Variants in RPS6KC1 observed in about 807,000 individuals in gnomAD.
RPS6KC1 encodes inactive ribosomal protein S6 kinase delta-1.
In RPS6KC1, 54 loss-of-function variants were observed where a neutral mutation model predicts 103.8. The observed-to-expected ratio is 0.52, with a 90% confidence interval of 0.42 to 0.65. The LOEUF (loss-of-function observed/expected upper bound fraction) is 0.65, where lower values mean the gene tolerates loss of function less well. Ranked by LOEUF, RPS6KC1 falls within the 30% of genes least tolerant of loss-of-function variation. The pLI is 0.00. For missense variants in RPS6KC1, 1,151 were observed against 1,253.8 expected, an observed-to-expected ratio of 0.92 and a Z score of 1.24; for synonymous variants, 439 against 438.7, an observed-to-expected ratio of 1.00 and a Z score of -0.01.
chr1:213,602,116 CTT>C, the RPS6KC1 span, among the ~76,000 whole-genome samples: 5 of 33,074 alleles, frequency 1.5e-4, no homozygotes, highest in Admixed American at 3.8e-4. Flanking sequence ...TTCTTTCTTT[CTT>C]TCTCTTTCTT....
At chr1:213,055,761 T>C (rs1033149249) in intron 1 of RPS6KC1, among the ~76,000 whole-genome samples, 1 of 152,250 alleles carries the variant, frequency 6.6e-6, no homozygotes, top group East Asian at 1.9e-4. Context: ...ATATTGAGAA[T>C]GTAGATGAAT....
intron 1 of RPS6KC1, among the ~76,000 whole-genome samples, chr1:213,067,092 C>G (rs1432516952): frequency 3.3e-5 from 5 of 152,110 alleles, no homozygotes; most frequent in Non-Finnish European, 7.4e-5. Context: ...TCGAGTTGTC[C>G]CACCTTTCTG....
At chr1:213,174,752 G>C (rs1387369765) in intron 7 of RPS6KC1, among the ~76,000 whole-genome samples, 1 of 149,508 alleles carries the variant, frequency 6.7e-6, no homozygotes, top group Non-Finnish European at 1.5e-5. Flanking sequence ...CTTGCTAAAT[G>C]TTTTTATATC....
At chr1:213,284,612 G>C in the RPS6KC1 span, among the ~76,000 whole-genome samples, 3 of 132,890 alleles carry the variant, frequency 2.3e-5, no homozygotes, top group African/African-American at 8.5e-5. Flanking sequence ...AAAAAGGATT[G>C]AAAAGAAAGT....
At chr1:213,510,806 C>T in the RPS6KC1 span, among the ~76,000 whole-genome samples, 2,086 of 152,250 alleles carry the variant, frequency 0.014, 47 homozygotes, top group African/African-American at 0.046. Context: ...CAGACTTTCC[C>T]TATACTATAT....
chr1:213,432,204 A>G, the RPS6KC1 span, among the ~76,000 whole-genome samples: 351 of 152,272 alleles, frequency 2.3e-3, 1 homozygote, highest in African/African-American at 8.0e-3. Context: ...ATTTATTACT[A>G]TTTACATAGC....
chr1:213,198,332 A>G (rs1219655242), intron 8 of RPS6KC1, among the ~76,000 whole-genome samples: 1 of 152,162 alleles, frequency 6.6e-6, no homozygotes, highest in African/African-American at 2.4e-5. Context: ...TTTAATCTAA[A>G]TAGGTTTTCT....
At chr1:213,587,492 G>A in the RPS6KC1 span, among the ~76,000 whole-genome samples, 1 of 152,174 alleles carries the variant, frequency 6.6e-6, no homozygotes, top group Non-Finnish European at 1.5e-5. Context: ...ATGGTGAGCT[G>A]CTATCATCCA....
chr1:213,523,314 C>T, the RPS6KC1 span, among the ~76,000 whole-genome samples: 1 of 152,164 alleles, frequency 6.6e-6, no homozygotes, highest in African/African-American at 2.4e-5. Flanking sequence ...CCACAGATCA[C>T]TGTAACAGCT....
chr1:213,843,925 G>A, the RPS6KC1 span, among the ~76,000 whole-genome samples: 8 of 151,254 alleles, frequency 5.3e-5, no homozygotes, highest in East Asian at 1.4e-3. Context: ...ATGACCCAAT[G>A]TCAGAAAGAG....
chr1:213,722,996 T>C, the RPS6KC1 span, among the ~76,000 whole-genome samples: 1 of 152,092 alleles, frequency 6.6e-6, no homozygotes, highest in Non-Finnish European at 1.5e-5. Context: ...CTGGCCACGA[T>C]AGTGAAACCC....
chr1:213,353,773 G>A, the RPS6KC1 span, among the ~76,000 whole-genome samples: 1 of 152,190 alleles, frequency 6.6e-6, no homozygotes, highest in Admixed American at 6.5e-5. Flanking sequence ...ACAATTGCAA[G>A]CAATTTTTTG....
the RPS6KC1 span, among the ~76,000 whole-genome samples, chr1:213,396,890 C>T: frequency 6.6e-6 from 1 of 152,144 alleles, no homozygotes; most frequent in East Asian, 1.9e-4. Flanking sequence ...GGTGTGCATC[C>T]ATGCCATGGC....
At chr1:213,230,994 A>AT (rs2094091202) in intron 9 of RPS6KC1, among the ~76,000 whole-genome samples, 1 of 151,922 alleles carries the variant, frequency 6.6e-6, no homozygotes, top group East Asian at 1.9e-4. Flanking sequence ...TAGGTTTTGA[A>AT]TGTCCTTTTA....
At chr1:213,320,461 T>C in the RPS6KC1 span, among the ~76,000 whole-genome samples, 1 of 152,252 alleles carries the variant, frequency 6.6e-6, no homozygotes, top group Non-Finnish European at 1.5e-5. Flanking sequence ...TAATGCCGTT[T>C]ATTAATAAAT....
the RPS6KC1 span, among the ~76,000 whole-genome samples, chr1:213,448,942 A>G: frequency 6.6e-6 from 1 of 152,136 alleles, no homozygotes; most frequent in Non-Finnish European, 1.5e-5. Flanking sequence ...AAGGCTCCCT[A>G]TAGAAATCCC....
At chr1:213,487,714 C>G in the RPS6KC1 span, among the ~76,000 whole-genome samples, 4 of 152,144 alleles carry the variant, frequency 2.6e-5, no homozygotes, top group Non-Finnish European at 5.9e-5. Context: ...GTTGTATCCT[C>G]TCTGGGCTCC....
the RPS6KC1 span, among the ~76,000 whole-genome samples, chr1:213,473,499 G>A: frequency 3.3e-5 from 5 of 152,212 alleles, no homozygotes; most frequent in Non-Finnish European, 4.4e-5. Context: ...CAACTGCATA[G>A]CAGTGACTCT....
the RPS6KC1 span, among the ~76,000 whole-genome samples, chr1:213,702,617 A>G: frequency 2.5e-4 from 38 of 152,180 alleles, 1 homozygote; most frequent in Admixed American, 7.2e-4. Context: ...ACATATATTT[A>G]AAATTGTTAT....
Sources: gnomAD v4.1 joint callset for allele counts (sites outside exome capture counted in the v4.1 genomes callset) on GRCh38, gnomAD v4.1.1 for gene constraint, MANE v1.5 for transcripts, NCBI Gene and HGNC (gene_info 2026-07-23, HGNC 2026-07-21) for gene names.